Variants in MAN1C1 observed in about 807,000 individuals in gnomAD.
The protein encoded by MAN1C1 is mannosyl-oligosaccharide 1,2-alpha-mannosidase IC.
MAN1C1 carries 49 observed loss-of-function variants against 71.5 expected under a neutral mutation model. The ratio of observed to expected loss-of-function variants is 0.69; its 90% confidence interval spans 0.54 to 0.87. MAN1C1 has a LOEUF of 0.87. Ranked by LOEUF, MAN1C1 falls within the 40% of genes least tolerant of loss-of-function variation. The pLI is 0.00. For synonymous variants in MAN1C1, 352 were observed against 343.7 expected, an observed-to-expected ratio of 1.02 and a Z score of -0.27; for missense variants, 743 against 835.0, an observed-to-expected ratio of 0.89 and a Z score of 1.36.
intron 4 of MAN1C1, among the ~76,000 whole-genome samples, chr1:25,750,151 C>T (rs957629501): frequency 2.0e-5 from 3 of 152,214 alleles, no homozygotes; most frequent in African/African-American, 4.8e-5. Context: ...CCCCTTCGCT[C>T]AAAGACCTCT....
chr1:25,771,632 G>GT, intron 7 of MAN1C1, 25 bp from the exon 8 acceptor site: 1 of 1,575,358 alleles, frequency 6.3e-7, no homozygotes, highest in Non-Finnish European at 8.7e-7. Flanking sequence ...TGGAGATAAT[G>GT]TTCTTGTCCT....
In MAN1C1 at chr1:25,745,113, G is replaced by T. The variant is rs531112748; in HGVS notation, c.638-1555G>T. ...CAGTTTTCTGCACTGAGTGCAAAAG[G>T]CTCTGGTTGTGCCAGAGGGTGTCTT... On this transcript the variant is annotated intron_variant, in intron 2 of 11. Transcript: ENST00000374332. Among the ~76,000 whole-genome samples, 14 of 152,306 alleles carry T rather than the reference G, an allele frequency of 9.2e-5. No homozygotes were observed. In the East Asian group the frequency reaches 2.7e-3, roughly 29 times the overall value.
chr1:25,694,663 C>G (rs1460940931), intron 2 of MAN1C1, among the ~76,000 whole-genome samples: 1 of 152,218 alleles, frequency 6.6e-6, no homozygotes, highest in Non-Finnish European at 1.5e-5. Context: ...TTCATACTCT[C>G]CCCCTCCACA....
intron 4 of MAN1C1, among the ~76,000 whole-genome samples, chr1:25,752,456 C>T (rs1382286962): frequency 1.3e-5 from 2 of 152,158 alleles, no homozygotes; most frequent in Non-Finnish European, 2.9e-5. Context: ...CATGAGCCAC[C>T]GTGCCTGGCC....
At chr1:25,627,097 A>T (rs994245887) in intron 1 of MAN1C1, among the ~76,000 whole-genome samples, 1 of 152,076 alleles carries the variant, frequency 6.6e-6, no homozygotes, top group Non-Finnish European at 1.5e-5. Context: ...TGCTATTTAG[A>T]TGTCCAGTTG....
At chr1:25,622,720 A>G (rs2045233166) in intron 1 of MAN1C1, among the ~76,000 whole-genome samples, 1 of 152,146 alleles carries the variant, frequency 6.6e-6, no homozygotes, top group Non-Finnish European at 1.5e-5. Flanking sequence ...GGGAGGGAGC[A>G]CCCCAGCTCT....
At chr1:25,645,986 T>G (rs1262543773) in intron 1 of MAN1C1, 1 of 152,426 alleles carries the variant, frequency 6.6e-6, no homozygotes. Flanking sequence ...GGTGTGAGCA[T>G]CTTGAAGAAT....
intron 1 of MAN1C1, among the ~76,000 whole-genome samples, chr1:25,682,042 T>C (rs1005554042): frequency 6.6e-6 from 1 of 152,206 alleles, no homozygotes; most frequent in African/African-American, 2.4e-5. Flanking sequence ...AATATCTTGG[T>C]GTACAAAAAT....
At chr1:25,621,117 C>A (rs2045201211) in intron 1 of MAN1C1, among the ~76,000 whole-genome samples, 1 of 152,194 alleles carries the variant, frequency 6.6e-6, no homozygotes, top group Admixed American at 6.5e-5. Context: ...TGGTTATAGA[C>A]CCTCTTGCTT....
chr1:25,677,846 C>CT lies in MAN1C1; in HGVS notation c.541-8567dup, dbSNP rs772618301. 8.8e-3 allele frequency among the ~76,000 whole-genome samples: 867 copies of CT among 98,304 alleles called. 40 individuals are homozygous for CT. The highest frequency in any genetic ancestry group is 0.011 in the Non-Finnish European group (596 of 54,504). 64.5% of individuals were successfully genotyped at this position (98,304 alleles called of 152,430 possible). The stretch of plus-strand genomic sequence containing the variant: ...TCTGACTCCCTGCTGTAAAGACCTC[C>CT]TTTTTTTTTTTTTTTTTTTTTTTTT... On this transcript the variant is annotated intron_variant, in intron 1 of 11. Coordinates refer to ENST00000374332, the MANE Select transcript of MAN1C1 (RefSeq NM_020379.4).
At chr1:25,684,794 AGG>A (rs1557764440) in intron 1 of MAN1C1, among the ~76,000 whole-genome samples, 1 of 152,218 alleles carries the variant, frequency 6.6e-6, no homozygotes, top group Non-Finnish European at 1.5e-5. Context: ...GGGAGAGAGG[AGG>A]GGAAAGCCAG....
chr1:25,628,865 GT>G (rs1330709531), intron 1 of MAN1C1, among the ~76,000 whole-genome samples: 1 of 152,088 alleles, frequency 6.6e-6, no homozygotes, highest in African/African-American at 2.4e-5. Context: ...CCATTCCTGA[GT>G]TACTTCACTT....
intron 8 of MAN1C1, among the ~76,000 whole-genome samples, chr1:25,773,295 T>C (rs374051059): frequency 7.0e-4 from 107 of 152,102 alleles, no homozygotes; most frequent in Middle Eastern, 3.4e-3. Context: ...GTGTGGGCAG[T>C]TGGATGGATG....
chr1:25,668,932 C>T (rs2124125332), intron 1 of MAN1C1, among the ~76,000 whole-genome samples: 1 of 152,272 alleles, frequency 6.6e-6, no homozygotes, highest in Non-Finnish European at 1.5e-5. Context: ...ACAAAGCATA[C>T]AGCCATCAGC....
chr1:25,781,063 G>T lies in MAN1C1; in HGVS notation c.1601G>T (p.Arg534Leu). ...GTGGAGAGCTACATGTACCTGTGGC[G>T]ACAGACCCACAACCCCATCTACAGG... ...EVVESYMYLW[R>L]QTHNPIYREW... Residue 534 changes from arginine to leucine, a missense_variant, in exon 10 of 12, where the codon CGA becomes CTA. Arg to Leu is a moderately radical substitution (Grantham distance 102). Coordinates refer to ENST00000374332, the MANE Select transcript of MAN1C1 (RefSeq NM_020379.4). 1 of 1,614,080 alleles carries T rather than the reference G, an allele frequency of 6.2e-7. No homozygotes were observed. The highest frequency in any genetic ancestry group is 8.5e-7 in the Non-Finnish European group (1 of 1,180,014).
chr1:25,658,424 C>T (rs748969393), intron 1 of MAN1C1, among the ~76,000 whole-genome samples: 1 of 152,100 alleles, frequency 6.6e-6, no homozygotes, highest in Non-Finnish European at 1.5e-5. Flanking sequence ...TTGGAATGAG[C>T]CTAGTAAGGA....
intron 5 of MAN1C1, among the ~76,000 whole-genome samples, chr1:25,758,135 C>T (rs1468235080): frequency 2.0e-5 from 3 of 152,182 alleles, no homozygotes; most frequent in Non-Finnish European, 4.4e-5. Flanking sequence ...TTTCATTGGT[C>T]CCATTTGCAC....
chr1:25,707,233 C>T (rs1033805700), intron 2 of MAN1C1, among the ~76,000 whole-genome samples: 1 of 152,182 alleles, frequency 6.6e-6, no homozygotes, highest in Non-Finnish European at 1.5e-5. Flanking sequence ...AAGCCATCAG[C>T]ACGAGGCAGA....
In MAN1C1 at chr1:25,726,177, G is replaced by A. The variant is rs115807749; in HGVS notation, c.638-20491G>A. Among the ~76,000 whole-genome samples, 274 of 152,330 alleles carry A rather than the reference G, an allele frequency of 1.8e-3. 1 individual carries two copies. Among genetic ancestry groups the A allele is most frequent in the African/African-American group, 6.4e-3 (267 of 41,582 alleles). The stretch of plus-strand genomic sequence containing the variant: ...TGCTTGGATCTCTGCCTAAGGCAGA[G>A]CTTGTCTGGAATGCAGTGAGGTGGA... On this transcript the variant is annotated intron_variant, in intron 2 of 11. Coordinates refer to ENST00000374332, the MANE Select transcript of MAN1C1 (RefSeq NM_020379.4).
Sources: allele counts gnomAD v4.1 joint callset (sites outside exome capture counted in the v4.1 genomes callset), GRCh38; gene constraint gnomAD v4.1.1; transcripts MANE v1.5; gene names NCBI Gene and HGNC (gene_info 2026-07-23, HGNC 2026-07-21).